PPIP5K1: variants seen among roughly 807,000 people sequenced by gnomAD.
The protein encoded by PPIP5K1 is diphosphoinositol pentakisphosphate kinase 1, also known as inositol hexakisphosphate and diphosphoinositol-pentakisphosphate kinase 1.
PPIP5K1 carries 6 observed loss-of-function variants against 27.7 expected under a neutral mutation model. That is an observed-to-expected ratio of 0.22 (90% CI 0.12 to 0.43). The LOEUF (loss-of-function observed/expected upper bound fraction) is 0.43. Ranked by LOEUF, PPIP5K1 falls within the 20% of genes least tolerant of loss-of-function variation. PPIP5K1 has a pLI of 1.00. For synonymous variants in PPIP5K1, 145 were observed against 242.6 expected (o/e 0.60, Z 3.74); for missense variants, 394 against 635.4 (o/e 0.62, Z 4.08).
At chr15:43,555,245 A>G (rs530115414) in intron 30 of PPIP5K1, among the ~76,000 whole-genome samples, 2 of 152,298 alleles carry the variant, frequency 1.3e-5, no homozygotes, top group East Asian at 1.9e-4. Context: ...TAGTCTTTCA[A>G]TTAGAAAACT....
chr15:43,557,367 G>C (rs1255041034), intron 30 of PPIP5K1, among the ~76,000 whole-genome samples: 1 of 152,132 alleles, frequency 6.6e-6, no homozygotes, highest in Non-Finnish European at 1.5e-5. Flanking sequence ...AGAACTGCTT[G>C]AACCCAGGAG....
At position 43,534,792 on chromosome 15, in the gene PPIP5K1, T is replaced by C. The variant is rs758040772; in HGVS notation, c.4355A>G (p.Gln1452Arg). 1.9e-6 allele frequency: 3 copies of C among 1,596,842 alleles called. No homozygotes were observed. The highest frequency in any genetic ancestry group is 2.6e-6 in the Non-Finnish European group (3 of 1,171,902). The part of the protein sequence containing the change: ...EFSVEVGRLA[Q>R]ETSAINLLSQ... ...TAACAGATTGATCGCAGAAGTCTCC[T>C]GGGCCAGCCTGCCAACCTCCACAGA... Residue 1452 changes from glutamine (Q) to arginine (R), a missense_variant, in exon 32 of 32, where the codon CAG (glutamine) becomes CGG (arginine). This residue lies in a region of PPIP5K1 where 379 missense variants were observed against 423.9 expected (regional missense o/e 0.89). Coordinates refer to ENST00000420765, the MANE Select transcript of PPIP5K1 (RefSeq NM_001394395.1).
At position 43,546,654 on chromosome 15, in the gene PPIP5K1, A is replaced by ATT. The variant is rs58966502; in HGVS notation, c.3557-7073_3557-7072dup. Reference sequence around the variant, plus strand: ...GTATTTGTTTGAGTACCTGTTTTCAATTTTTTTTTTTTTTTTTTTTTTTTT... The same window carrying ATT: ...GTATTTGTTTGAGTACCTGTTTTCAATTTTTTTTTTTTTTTTTTTTTTTTTTT... On this transcript the variant is annotated intron_variant, in intron 30 of 31. Transcript: ENST00000420765. Among the ~76,000 whole-genome samples, 190 of 106,538 alleles carry ATT rather than the reference A, an allele frequency of 1.8e-3. 4 individuals are homozygous for ATT. Among genetic ancestry groups the ATT allele is most frequent in the Non-Finnish European group, 3.1e-3 (153 of 49,144 alleles). 69.9% of individuals were successfully genotyped at this position (106,538 alleles called of 152,430 possible). A position where few individuals can be genotyped will look rare whatever the true frequency, so the allele number is the denominator to read the frequency against.
Position 43,536,646 on chromosome 15 carries a change from C to T in PPIP5K1, c.3671-1170G>A, listed in dbSNP as rs983217087. 3.9e-5 allele frequency among the ~76,000 whole-genome samples: 6 copies of T among 152,114 alleles called. No individual in the cohort carries two copies. The East Asian group carries it at 5.8e-4, about 15-fold the overall frequency. ...CACATCTATGGATCCAGAGTTAAGA[C>T]GCTTGTAAGTCTTGGGACATACAAT... On this transcript the variant is annotated intron_variant, in intron 31 of 31. Transcript: ENST00000420765.
chr15:43,558,608 C>T (rs557984310), intron 30 of PPIP5K1, among the ~76,000 whole-genome samples, 187 bp downstream of exon 30: 234 of 152,018 alleles, frequency 1.5e-3, no homozygotes, highest in Admixed American at 5.8e-3. Flanking sequence ...CCACCTGCCT[C>T]GGCCTCCCAA....
chr15:43,551,606 G>GTTTTTTTTTTTTTTTTTTTT (rs1293557795), intron 30 of PPIP5K1, among the ~76,000 whole-genome samples: 1 of 105,462 alleles, frequency 9.5e-6, no homozygotes, highest in Non-Finnish European at 1.7e-5. Context: ...TCTTGATTCA[G>GTTTTTTTTTTTTTTTTTTTT]TTTTTTTTTT....
At chr15:43,549,320 T>C (rs2081905894) in intron 30 of PPIP5K1, among the ~76,000 whole-genome samples, 1 of 152,046 alleles carries the variant, frequency 6.6e-6, no homozygotes, top group Non-Finnish European at 1.5e-5. Context: ...CTATGGAAAA[T>C]AGAATTGTTT....
chr15:43,580,531 G>C (rs1434834225), intron 10 of PPIP5K1, among the ~76,000 whole-genome samples: 1 of 124,246 alleles, frequency 8.0e-6, no homozygotes, highest in African/African-American at 4.1e-5. Context: ...GGCAGTGTTA[G>C]AAAGGCAAGG....
chr15:43,556,927 TC>T (rs2083036799), intron 30 of PPIP5K1, among the ~76,000 whole-genome samples: 1 of 152,192 alleles, frequency 6.6e-6, no homozygotes, highest in Non-Finnish European at 1.5e-5. Flanking sequence ...TTACTGAAAA[TC>T]TTTTACTATT....
chr15:43,549,638 G>A (rs1243451180), intron 30 of PPIP5K1, among the ~76,000 whole-genome samples: 1 of 151,398 alleles, frequency 6.6e-6, no homozygotes, highest in East Asian at 2.0e-4. Flanking sequence ...GGGCAACAGA[G>A]CAACAACCTG....
At position 43,579,635 on chromosome 15, in the gene PPIP5K1, A is replaced by G. The variant is rs868396589; in HGVS notation, c.1062-515T>C. Among the ~76,000 whole-genome samples the G allele has an allele frequency of 2.0e-3, 102 of 51,792 alleles. 1 individual carries two copies. Among genetic ancestry groups the G allele is most frequent in the Admixed American group, 3.1e-3 (13 of 4,218 alleles). 34.0% of individuals were successfully genotyped at this position (51,792 alleles called of 152,430 possible). ...TGTGTGTGTGTGTGTGTGTGTGTAT[A>G]TATATATATATATATATATTTTTTT... On this transcript the variant is annotated intron_variant, in intron 10 of 31. Coordinates refer to ENST00000420765, the MANE Select transcript of PPIP5K1 (RefSeq NM_001394395.1).
At chr15:43,550,159 AG>A (rs546745546) in intron 30 of PPIP5K1, among the ~76,000 whole-genome samples, 5 of 151,402 alleles carry the variant, frequency 3.3e-5, no homozygotes, top group South Asian at 4.2e-4. Context: ...TTTTTGAGAC[AG>A]GGTGTTGCTC....
At chr15:43,579,652 T>A (rs1282615229) in intron 10 of PPIP5K1, among the ~76,000 whole-genome samples, 3 of 59,160 alleles carry the variant, frequency 5.1e-5, no homozygotes, top group East Asian at 1.2e-3. Context: ...TATATATATA[T>A]ATTTTTTTTT....
rs1257756170 is a variant in PPIP5K1, at chr15:43,535,178, C to T, written c.3969G>A (p.Gln1323=). ...GCGCCTCAGAAATGTCCTGGCATGG[C>T]TGGCTGATGTCAGGGACCTCCTGAC... ...QPCQEVPDIS[Q]PCQDISEALS... is the part of the protein sequence containing the mutation. The change falls in exon 32 of 32, where the codon CAG becomes CAA. Residue 1323 remains glutamine, a synonymous_variant. Transcript: ENST00000420765. 1.2e-6 allele frequency: 2 copies of T among 1,613,706 alleles called. No individual in the cohort carries two copies. Among genetic ancestry groups the T allele is most frequent in the Non-Finnish European group, 1.7e-6 (2 of 1,179,876 alleles).
intron 26 of PPIP5K1, among the ~76,000 whole-genome samples, chr15:43,567,394 A>ATGATAC (rs2084227149): frequency 2.1e-3 from 7 of 3,288 alleles, no homozygotes; most frequent in African/African-American, 5.6e-3. Flanking sequence ...CTGGGATTAT[A>ATGATAC]GGCATGAGCC....
intron 30 of PPIP5K1, among the ~76,000 whole-genome samples, chr15:43,552,633 C>G (rs904095704): frequency 6.7e-6 from 1 of 148,906 alleles, no homozygotes; most frequent in Non-Finnish European, 1.5e-5. Context: ...AGCTGGAGGT[C>G]GAGGTTGCAC....
intron 30 of PPIP5K1, among the ~76,000 whole-genome samples, chr15:43,544,969 G>C (rs1318035062): frequency 6.6e-6 from 1 of 152,078 alleles, no homozygotes; most frequent in Non-Finnish European, 1.5e-5. Flanking sequence ...ACGAGGTCAG[G>C]AGATCGAGAC....
chr15:43,553,487 C>A (rs1024912650), intron 30 of PPIP5K1, among the ~76,000 whole-genome samples: 71 of 152,230 alleles, frequency 4.7e-4, no homozygotes, highest in Admixed American at 4.6e-3. Context: ...GGACTACAGG[C>A]ATGTGCCACC....
At chr15:43,557,387 G>T (rs1595856362) in intron 30 of PPIP5K1, among the ~76,000 whole-genome samples, 1 of 152,142 alleles carries the variant, frequency 6.6e-6, no homozygotes, top group East Asian at 1.9e-4. Context: ...GATGGAGGTT[G>T]TAGTCAGCTG....
Sources: gnomAD v4.1 joint callset for allele counts (sites outside exome capture counted in the v4.1 genomes callset) on GRCh38, gnomAD v4.1.1 for gene constraint, gnomAD v4.1.1 regional missense constraint, MANE v1.5 for transcripts, NCBI Gene and HGNC (gene_info 2026-07-23, HGNC 2026-07-21) for gene names.